Variants in UBQLN2 observed in about 807,000 individuals in gnomAD.
UBQLN2 encodes ubiquilin-2.
A neutral mutation model predicts 22.2 loss-of-function variants in UBQLN2; 2 were observed. That is an observed-to-expected ratio of 0.09 (90% CI 0.04 to 0.28). UBQLN2 has a LOEUF of 0.28. UBQLN2 is among the 10% of genes least tolerant of loss of function. The probability of loss-of-function intolerance (pLI) is 1.00; values close to 1 mark genes in which losing one functional copy is unlikely to be tolerated. For missense variants in UBQLN2, 446 were observed against 505.1 expected, an observed-to-expected ratio of 0.88 and a Z score of 1.12; for synonymous variants, 252 against 206.7, an observed-to-expected ratio of 1.22 and a Z score of -1.88.
Position 56,564,719 on chromosome X carries a change from C to A in UBQLN2, c.846C>A (p.Ala282=), listed in dbSNP as rs1160147943. 2.5e-6 allele frequency: 3 copies of A among 1,209,522 alleles called. No individual in the cohort carries two copies. The highest frequency in any genetic ancestry group is 1.8e-5 in the South Asian group (1 of 56,750). The part of the protein sequence containing the change: ...YTDIQEPMLN[A]AQEQFGGNPF... The stretch of plus-strand genomic sequence containing the variant: ...ACATTCAAGAGCCGATGCTGAATGC[C>A]GCACAAGAGCAGTTTGGGGGTAATC... The change falls in exon 1 of 1, where the codon GCC becomes GCA. Residue 282 remains alanine (A), a synonymous_variant. Transcript: ENST00000338222.
Position 56,564,080 on chromosome X carries a change from C to G in UBQLN2, c.207C>G (p.Thr69=). The G allele has an allele frequency of 8.3e-7, 1 of 1,207,864 alleles. No homozygotes were observed. Among genetic ancestry groups the G allele is most frequent in the African/African-American group, 1.7e-5 (1 of 57,823 alleles). Residue 69 remains threonine (T), a synonymous_variant, in exon 1 of 1, where the codon ACC becomes ACG. Transcript: ENST00000338222. ...TTTCGAAACGCTTCAAATCCCAAAC[C>G]GATCAGCTAGTGCTGATTTTTGCCG... ...EAISKRFKSQ[T]DQLVLIFAGK...
At position 56,564,409 on chromosome X, in the gene UBQLN2, C is replaced by G. The variant is rs1199635196; in HGVS notation, c.536C>G (p.Pro179Arg). The G allele has an allele frequency of 8.3e-7, 1 of 1,209,839 alleles. No homozygotes were observed. Among genetic ancestry groups the G allele is most frequent in the Non-Finnish European group, 1.1e-6 (1 of 895,263 alleles). The change falls in exon 1 of 1, where the codon CCT becomes CGT. Residue 179 changes from proline to arginine, a missense_variant. Around this residue, in one of 3 missense-constraint regions of UBQLN2, gnomAD observed 129 missense variants for 198.1 expected, o/e 0.65. Coordinates refer to ENST00000338222, the MANE Select transcript of UBQLN2 (RefSeq NM_013444.4). The stretch of plus-strand genomic sequence containing the variant: ...ATGCAGCAGCAGCTTATGGCCAGCC[C>G]TGAGATGATGATCCAAATAATGGAA... The part of the protein sequence containing the change: ...SQMQQQLMAS[P>R]EMMIQIMENP...
chrX:56,564,209 C>T lies in UBQLN2; in HGVS notation c.336C>T (p.Ser112=), dbSNP rs2068629789. 5.0e-6 allele frequency: 6 copies of T among 1,211,040 alleles called. No homozygotes were observed. In the East Asian group the frequency reaches 1.8e-4, roughly 36 times the overall value. ...IKSQNRPQGQ[S]TQPSNAAGTN... is the part of the protein sequence containing the mutation. ...GCCAGAACCGACCTCAGGGCCAGTC[C>T]ACGCAGCCTAGCAATGCCGCGGGAA... The change falls in exon 1 of 1, where the codon TCC becomes TCT. Residue 112 remains serine, a synonymous_variant. Transcript: ENST00000338222.
Position 56,563,755 on chromosome X carries a change from G to A in UBQLN2, c.-119G>A, listed in dbSNP as rs2068627005. ...TCATCACAGAGGTACCGTGCTCCGC[G>A]CTCCCCGCCTGACCCGGCCCAGCCC... On this transcript the variant is annotated 5_prime_UTR_variant, in exon 1 of 1. Transcript: ENST00000338222. 3.8e-6 allele frequency: 2 copies of A among 531,487 alleles called. No homozygotes were observed. Among genetic ancestry groups the A allele is most frequent in the Non-Finnish European group, 3.0e-6 (1 of 330,412 alleles). 43.8% of individuals were successfully genotyped at this position (531,487 alleles called of 1,213,427 possible). A position where few individuals can be genotyped will look rare whatever the true frequency, so the allele number is the denominator to read the frequency against.
rs1273233741 is a variant in UBQLN2 at position 56,563,639 on chromosome X, C to A, written c.-235C>A. 19 of 332,792 alleles carry A rather than the reference C, an allele frequency of 5.7e-5. No homozygotes were observed. The highest frequency in any genetic ancestry group is 7.2e-5 in the Non-Finnish European group (14 of 194,811). 27.4% of individuals were successfully genotyped at this position (332,792 alleles called of 1,213,427 possible). ...GCGCGGTCGGATCACAAGGCGGCGG[C>A]GGAGGAGGCCCAGAGACCGGAGCGC... On this transcript the variant is annotated 5_prime_UTR_variant, in exon 1 of 1. Transcript: ENST00000338222.
rs990201540 is a variant in UBQLN2 at position 56,565,789 on chromosome X, G to T, written c.*41G>T. On this transcript the variant is annotated 3_prime_UTR_variant, in exon 1 of 1. Transcript: ENST00000338222. ...TGGAAAAAAAATGTATCTTATTTTT[G>T]ATAATGGCTCTTAAATCTTTAAACA... 1 of 1,086,241 alleles carries T rather than the reference G, an allele frequency of 9.2e-7. No individual in the cohort carries two copies. Among genetic ancestry groups the T allele is most frequent in the Non-Finnish European group, 1.3e-6 (1 of 795,907 alleles). 89.5% of individuals were successfully genotyped at this position (1,086,241 alleles called of 1,213,427 possible).
chrX:56,563,869 C>T lies in UBQLN2; in HGVS notation c.-5C>T. ...TCCCTGCCCGCCTGCGTCACCGCGG[C>T]CGCCATGGCTGAGAATGGCGAGAGC... On this transcript the variant is annotated 5_prime_UTR_variant, in exon 1 of 1. Coordinates refer to ENST00000338222, the MANE Select transcript of UBQLN2 (RefSeq NM_013444.4). 8.7e-7 allele frequency: 1 copy of T among 1,142,878 alleles called. No individual in the cohort carries two copies. Among genetic ancestry groups the T allele is most frequent in the Non-Finnish European group, 1.2e-6 (1 of 862,881 alleles). 94.2% of individuals were successfully genotyped at this position (1,142,878 alleles called of 1,213,427 possible). A position where few individuals can be genotyped will look rare whatever the true frequency, so the allele number is the denominator to read the frequency against.
Position 56,565,397 on chromosome X carries a change from CCCCATAGGCCCCATTGGG to C in UBQLN2, c.1533_1550del (p.Ile513_Pro518del), listed in dbSNP as rs747098763. On this transcript the variant is annotated inframe_deletion, in exon 1 of 1. Transcript: ENST00000338222. The stretch of plus-strand genomic sequence containing the variant: ...CCATAGGCCCTATAGTCCCTTTTAC[CCCCATAGGCCCCATTGGG>C]CCCATAGGACCCACTGGCCCTGCAG... The C allele has an allele frequency of 3.2e-5, 38 of 1,193,453 alleles. No homozygotes were observed. Among genetic ancestry groups the C allele is most frequent in the East Asian group, 2.7e-4 (9 of 32,813 alleles).
chrX:56,566,430 A>G lies in UBQLN2; in HGVS notation c.*682A>G, dbSNP rs1269803716. ...TATTACAGTAGAATCTGAGTGTAAT[A>G]TGTGTAACCAAAATGAGAAAGAATA... On this transcript the variant is annotated 3_prime_UTR_variant, in exon 1 of 1. Coordinates refer to ENST00000338222, the MANE Select transcript of UBQLN2 (RefSeq NM_013444.4). 4 of 123,669 alleles carry G rather than the reference A, an allele frequency of 3.2e-5. No homozygotes were observed. The highest frequency in any genetic ancestry group is 6.5e-5 in the African/African-American group (2 of 30,960). The allele number at this position is 123,669 out of a possible 1,213,427, so 10.2% of individuals were successfully genotyped here.
At position 56,564,577 on chromosome X, in the gene UBQLN2, T is replaced by G; in HGVS notation, c.704T>G (p.Leu235Arg). The part of the protein sequence containing the change: ...LNNPDIMRQT[L>R]EIARNPAMMQ... ...AACCCAGACATAATGAGGCAGACAC[T>G]CGAAATTGCCAGGAATCCAGCCATG... The change falls in exon 1 of 1, where the codon CTC (leucine) becomes CGC (arginine). Residue 235 changes from leucine (L) to arginine (R), a missense_variant. Leu to Arg is a moderately radical substitution (Grantham distance 102, BLOSUM62 -2). Around this residue, in one of 3 missense-constraint regions of UBQLN2, gnomAD observed 129 missense variants for 198.1 expected, o/e 0.65. Coordinates refer to ENST00000338222, the MANE Select transcript of UBQLN2 (RefSeq NM_013444.4). 1 of 1,211,258 alleles carries G rather than the reference T, an allele frequency of 8.3e-7. No homozygotes were observed. Among genetic ancestry groups the G allele is most frequent in the Non-Finnish European group, 1.1e-6 (1 of 895,400 alleles).
In UBQLN2 at chrX:56,566,166, A is replaced by C. The variant is rs956097002; in HGVS notation, c.*418A>C. Reference sequence around the variant, plus strand: ...GTTGGGTGAACAAGTGTTGTCCTACAGATGTCCAATTTATTTGCATTTTTA... The same window carrying C: ...GTTGGGTGAACAAGTGTTGTCCTACCGATGTCCAATTTATTTGCATTTTTA... On this transcript the variant is annotated 3_prime_UTR_variant, in exon 1 of 1. Transcript: ENST00000338222. The C allele has an allele frequency of 5.7e-6, 1 of 174,135 alleles. No individual in the cohort carries two copies. The highest frequency in any genetic ancestry group is 3.1e-5 in the African/African-American group (1 of 32,767). 14.4% of individuals were successfully genotyped at this position (174,135 alleles called of 1,213,427 possible).
rs2068630202 is a variant in UBQLN2, at chrX:56,564,271, C to G, written c.398C>G (p.Ser133Cys). ...TTSASTPRSNSTPISTNSNPF... is the reference protein window; with the variant it reads ...TTSASTPRSNCTPISTNSNPF... ...TCGGCGTCGACTCCCAGGAGTAACTCCACACCTATTTCCACAAATAGCAAC... is the reference window on the plus strand; with the variant it reads ...TCGGCGTCGACTCCCAGGAGTAACTGCACACCTATTTCCACAAATAGCAAC... The change falls in exon 1 of 1, where the codon TCC (serine) becomes TGC (cysteine). Residue 133 changes from serine to cysteine, a missense_variant. By Grantham distance (112) the Ser-to-Cys change is moderately radical (BLOSUM62 -1). This residue lies in a region of UBQLN2 where 129 missense variants were observed against 198.1 expected (regional missense o/e 0.65). Coordinates refer to ENST00000338222, the MANE Select transcript of UBQLN2 (RefSeq NM_013444.4). 1 of 1,211,212 alleles carries G rather than the reference C, an allele frequency of 8.3e-7. No homozygotes were observed. The highest frequency in any genetic ancestry group is 1.1e-6 in the Non-Finnish European group (1 of 895,372).
In UBQLN2 at chrX:56,566,425, G is replaced by T. The variant is rs2068642949; in HGVS notation, c.*677G>T. ...AAAAATATTACAGTAGAATCTGAGT[G>T]TAATATGTGTAACCAAAATGAGAAA... On this transcript the variant is annotated 3_prime_UTR_variant, in exon 1 of 1. Coordinates refer to ENST00000338222, the MANE Select transcript of UBQLN2 (RefSeq NM_013444.4). The T allele has an allele frequency of 1.6e-5, 2 of 123,532 alleles. No homozygotes were observed. The highest frequency in any genetic ancestry group is 6.5e-5 in the African/African-American group (2 of 30,904). 10.2% of individuals were successfully genotyped at this position (123,532 alleles called of 1,213,427 possible).
At position 56,565,440 on chromosome X, in the gene UBQLN2, G is replaced by GC. The variant is rs757430527; in HGVS notation, c.1574dup (p.Gly526TrpfsTer19). On this transcript the variant is annotated frameshift_variant, in exon 1 of 1. Transcript: ENST00000338222. LOFTEE classifies it high-confidence loss of function. Reference sequence around the variant, plus strand: ...GCCCATAGGACCCACTGGCCCTGCAGCCCCCCCTGGCTCCACCGGCTCTGG... The same window carrying GC: ...GCCCATAGGACCCACTGGCCCTGCAGCCCCCCCCTGGCTCCACCGGCTCTGG... 4 of 1,193,672 alleles carry GC rather than the reference G, an allele frequency of 3.4e-6. No individual in the cohort carries two copies. The highest frequency in any genetic ancestry group is 2.3e-5 in the Admixed American group (1 of 43,374).
chrX:56,563,657 C>T lies in UBQLN2; in HGVS notation c.-217C>T, dbSNP rs1220863997. On this transcript the variant is annotated 5_prime_UTR_variant, in exon 1 of 1. Transcript: ENST00000338222. ...GCGGCGGCGGAGGAGGCCCAGAGAC[C>T]GGAGCGCGGAGACCTCAGCCAGCGG... The T allele has an allele frequency of 8.8e-5, 30 of 340,516 alleles. No homozygotes were observed. In the Middle Eastern group the frequency reaches 3.1e-3, roughly 35 times the overall value. 28.1% of individuals were successfully genotyped at this position (340,516 alleles called of 1,213,427 possible).
At position 56,565,629 on chromosome X, in the gene UBQLN2, C is replaced by T; in HGVS notation, c.1756C>T (p.Leu586=). 1 of 1,212,234 alleles carries T rather than the reference C, an allele frequency of 8.2e-7. No homozygotes were observed. Among genetic ancestry groups the T allele is most frequent in the Non-Finnish European group, 1.1e-6 (1 of 895,609 alleles). The change falls in exon 1 of 1, where the codon CTG becomes TTG. Residue 586 remains leucine, a synonymous_variant. Transcript: ENST00000338222. ...TCCAGAAGTCAGATTTCAGCAACAA[C>T]TGGAACAGCTCAACGCAATGGGGTT... The part of the protein sequence containing the change: ...PNPEVRFQQQ[L]EQLNAMGFLN...
Position 56,563,868 on chromosome X carries a change from G to A in UBQLN2, c.-6G>A. The A allele has an allele frequency of 9.6e-6, 11 of 1,141,350 alleles. No homozygotes were observed. The highest frequency in any genetic ancestry group is 1.3e-5 in the Non-Finnish European group (11 of 862,000). The allele number at this position is 1,141,350 out of a possible 1,213,427, so 94.1% of individuals were successfully genotyped here. A position where few individuals can be genotyped will look rare whatever the true frequency, so the allele number is the denominator to read the frequency against. On this transcript the variant is annotated 5_prime_UTR_variant, in exon 1 of 1. Transcript: ENST00000338222. The stretch of plus-strand genomic sequence containing the variant: ...TTCCCTGCCCGCCTGCGTCACCGCG[G>A]CCGCCATGGCTGAGAATGGCGAGAG...
rs1484313609 is a variant in UBQLN2, at chrX:56,565,419, A to T, written c.1546A>T (p.Ile516Leu). ...TACCCCCATAGGCCCCATTGGGCCC[A>T]TAGGACCCACTGGCCCTGCAGCCCC... The part of the protein sequence containing the change: ...PFTPIGPIGP[I>L]GPTGPAAPPG... Residue 516 changes from isoleucine to leucine, a missense_variant, in exon 1 of 1, where the codon ATA becomes TTA. Transcript: ENST00000338222. 1 of 1,194,168 alleles carries T rather than the reference A, an allele frequency of 8.4e-7. No individual in the cohort carries two copies. Among genetic ancestry groups the T allele is most frequent in the Non-Finnish European group, 1.1e-6 (1 of 885,847 alleles).
In UBQLN2 at chrX:56,563,810, T is replaced by C; in HGVS notation, c.-64T>C. On this transcript the variant is annotated 5_prime_UTR_variant, in exon 1 of 1. Transcript: ENST00000338222. ...CGGCGGTGCCTCCTTCCTTCCTCCTTCCCTCGCGCTCTCTCTTTCGCCCGC... is the reference window on the plus strand; with the variant it reads ...CGGCGGTGCCTCCTTCCTTCCTCCTCCCCTCGCGCTCTCTCTTTCGCCCGC... 2.2e-6 allele frequency: 2 copies of C among 910,555 alleles called. No homozygotes were observed. The highest frequency in any genetic ancestry group is 6.4e-5 in the East Asian group (2 of 31,420). The allele number at this position is 910,555 out of a possible 1,213,427, so 75.0% of individuals were successfully genotyped here.
Sources: gnomAD v4.1 joint callset for allele counts on GRCh38, gnomAD v4.1.1 for gene constraint, gnomAD v4.1.1 regional missense constraint, MANE v1.5 for transcripts, NCBI Gene and HGNC (gene_info 2026-07-23, HGNC 2026-07-21) for gene names.